Variants in PCCA observed in about 807,000 individuals in gnomAD.
The protein encoded by PCCA is propionyl-CoA carboxylase alpha chain, mitochondrial.
Under a neutral mutation model 101.3 loss-of-function variants are expected in PCCA, and 74 were observed. That is an observed-to-expected ratio of 0.73 (90% CI 0.61 to 0.89). The LOEUF is 0.89. PCCA is among the 40% of genes least tolerant of loss of function. The pLI is 0.00. For synonymous variants in PCCA, 294 were observed against 313.6 expected (o/e 0.94, Z 0.66); for missense variants, 891 against 907.0 (o/e 0.98, Z 0.23).
intron 21 of PCCA, among the ~76,000 whole-genome samples, chr13:100,503,373 C>G (rs1293269015): frequency 6.6e-6 from 1 of 152,006 alleles, no homozygotes; most frequent in African/African-American, 2.4e-5. Context: ...GCCTGTAATC[C>G]CAGCTACTCG....
chr13:100,407,922 G>A (rs972511767), intron 19 of PCCA, among the ~76,000 whole-genome samples: 7 of 152,116 alleles, frequency 4.6e-5, no homozygotes, highest in Non-Finnish European at 5.9e-5. Context: ...AGGCTGAGGT[G>A]GGTGGATTAC....
At chr13:100,457,398 A>G (rs1401491711) in intron 21 of PCCA, among the ~76,000 whole-genome samples, 1 of 152,186 alleles carries the variant, frequency 6.6e-6, no homozygotes, top group Non-Finnish European at 1.5e-5. Context: ...CTGACAAATC[A>G]GCCTGCGACA....
intron 9 of PCCA, among the ~76,000 whole-genome samples, chr13:100,258,538 A>G (rs1458416330): frequency 4.6e-5 from 7 of 152,142 alleles, no homozygotes; most frequent in African/African-American, 1.7e-4. Flanking sequence ...TAGCAATTTC[A>G]CTGAACGCTT....
At chr13:100,347,474 T>C (rs542083833) in intron 18 of PCCA, among the ~76,000 whole-genome samples, 1 of 152,348 alleles carries the variant, frequency 6.6e-6, no homozygotes, top group East Asian at 1.9e-4. Context: ...TTTGAAAAAT[T>C]AATATTCCAA....
At chr13:100,364,053 T>A (rs1198795800) in intron 18 of PCCA, among the ~76,000 whole-genome samples, 1 of 152,290 alleles carries the variant, frequency 6.6e-6, no homozygotes, top group East Asian at 1.9e-4. Flanking sequence ...GCTTTGTGAG[T>A]CACTGTTTAT....
rs1229413728 is a variant in PCCA at position 100,237,939 on chromosome 13, C to CTT, written c.637+2075_637+2076dup. Among the ~76,000 whole-genome samples the CTT allele has an allele frequency of 1.9e-3, 242 of 127,456 alleles. 4 individuals carry two copies. The highest frequency in any genetic ancestry group is 7.1e-3 in the African/African-American group (231 of 32,744). The allele number at this position is 127,456 out of a possible 152,430, so 83.6% of individuals were successfully genotyped here. ...TTCCACTTTCTTTCTTTCTTTCTTT[C>CTT]TTTTTTTTTTTTTTTGAGACAGACT... On this transcript the variant is annotated intron_variant, in intron 8 of 23. Coordinates refer to ENST00000376285, the MANE Select transcript of PCCA (RefSeq NM_000282.4).
intron 6 of PCCA, among the ~76,000 whole-genome samples, chr13:100,199,126 A>G (rs372911937): frequency 9.9e-5 from 15 of 152,096 alleles, no homozygotes; most frequent in African/African-American, 2.9e-4. Context: ...AAAGAAACCT[A>G]TGGCTTAATG....
chr13:100,344,503 T>C (rs2071891611), intron 18 of PCCA, among the ~76,000 whole-genome samples: 1 of 152,250 alleles, frequency 6.6e-6, no homozygotes, highest in Non-Finnish European at 1.5e-5. Flanking sequence ...ACTTGGGGCA[T>C]GCTTTTGTAC....
intron 21 of PCCA, among the ~76,000 whole-genome samples, chr13:100,476,543 C>T (rs1186103131): frequency 6.6e-6 from 1 of 152,130 alleles, no homozygotes; most frequent in African/African-American, 2.4e-5. Flanking sequence ...AAGTCCTGTC[C>T]ACCCCCCACC....
intron 6 of PCCA, among the ~76,000 whole-genome samples, chr13:100,182,600 C>T (rs2056902270): frequency 6.6e-6 from 1 of 152,094 alleles, no homozygotes; most frequent in Admixed American, 6.5e-5. Flanking sequence ...CAGAGAGTAG[C>T]CAGCAGTCAG....
chr13:100,150,705 C>A, intron 4 of PCCA: 2 of 1,572,148 alleles, frequency 1.3e-6, no homozygotes, highest in South Asian at 2.2e-5. Flanking sequence ...AGGATAACCT[C>A]AAAAAATTTG....
chr13:100,294,413 AC>A (rs1289691420), intron 12 of PCCA, among the ~76,000 whole-genome samples: 1 of 151,714 alleles, frequency 6.6e-6, no homozygotes, highest in Non-Finnish European at 1.5e-5. Flanking sequence ...CACCAGGGGA[AC>A]CCTATAATAG....
At chr13:100,415,438 A>T (rs1244825634) in intron 19 of PCCA, among the ~76,000 whole-genome samples, 1 of 152,126 alleles carries the variant, frequency 6.6e-6, no homozygotes, top group African/African-American at 2.4e-5. Flanking sequence ...AAATGTACAG[A>T]TCTTTTTCCA....
chr13:100,368,047 A>G (rs1320069611), intron 18 of PCCA, among the ~76,000 whole-genome samples: 2 of 152,174 alleles, frequency 1.3e-5, no homozygotes, highest in African/African-American at 4.8e-5. Context: ...GAAACATTCT[A>G]TAAGTAGAAT....
chr13:100,398,042 T>A (rs1336179278), intron 19 of PCCA, among the ~76,000 whole-genome samples: 6 of 152,208 alleles, frequency 3.9e-5, no homozygotes, highest in Non-Finnish European at 4.4e-5. Context: ...GTGATTAGAT[T>A]TGAAACAAAG....
At chr13:100,204,206 T>A (rs1202698025) in intron 6 of PCCA, among the ~76,000 whole-genome samples, 1 of 151,876 alleles carries the variant, frequency 6.6e-6, no homozygotes, top group African/African-American at 2.4e-5. Flanking sequence ...CTCGGCTCAC[T>A]GCAGCCTCTA....
At chr13:100,432,054 C>G (rs1447586430) in intron 20 of PCCA, among the ~76,000 whole-genome samples, 1 of 151,660 alleles carries the variant, frequency 6.6e-6, no homozygotes, top group Non-Finnish European at 1.5e-5. Flanking sequence ...AAAATATTAA[C>G]CGGGGATGGT....
At chr13:100,404,521 C>G (rs776519386) in intron 19 of PCCA, among the ~76,000 whole-genome samples, 1 of 151,920 alleles carries the variant, frequency 6.6e-6, no homozygotes, top group East Asian at 1.9e-4. Flanking sequence ...ATTCAAAAGG[C>G]GTACAAACTG....
chr13:100,255,711 A>G (rs1309340104), intron 8 of PCCA, among the ~76,000 whole-genome samples: 1 of 152,072 alleles, frequency 6.6e-6, no homozygotes, highest in African/African-American at 2.4e-5. Flanking sequence ...TTTCATTCTG[A>G]TTATTTTATG....
Sources: allele counts gnomAD v4.1 joint callset (sites outside exome capture counted in the v4.1 genomes callset), GRCh38; gene constraint gnomAD v4.1.1; transcripts MANE v1.5; gene names NCBI Gene and HGNC (gene_info 2026-07-23, HGNC 2026-07-21).